The following DPP10 variants were observed in gnomAD, a reference collection of about 807,000 sequenced individuals.
DPP10 encodes dipeptidyl peptidase like 10, also known as inactive dipeptidyl peptidase 10.
DPP10 carries 33 observed loss-of-function variants against 120.9 expected under a neutral mutation model. That is an observed-to-expected ratio of 0.27 (90% CI 0.21 to 0.37). DPP10 has a LOEUF of 0.37. Ranked by LOEUF, DPP10 falls within the 10% of genes least tolerant of loss-of-function variation. DPP10 has a pLI of 1.00. For missense variants in DPP10, 816 were observed against 942.8 expected (o/e 0.87, Z 1.76); for synonymous variants, 337 against 326.1 (o/e 1.03, Z -0.36).
intron 1 of DPP10, among the ~76,000 whole-genome samples, chr2:115,061,445 C>T (rs13431291): frequency 0.017 from 2,660 of 152,150 alleles, 75 homozygotes; most frequent in African/African-American, 0.061. Flanking sequence ...TAGTGACATC[C>T]ATAATAAAAT....
At chr2:114,982,029 G>A (rs1046310824) in intron 1 of DPP10, among the ~76,000 whole-genome samples, 11 of 151,666 alleles carry the variant, frequency 7.3e-5, no homozygotes, top group African/African-American at 2.7e-4. Flanking sequence ...TGAGTAGCTG[G>A]GACTACAGGC....
At chr2:115,039,409 G>A (rs1338489349) in intron 1 of DPP10, among the ~76,000 whole-genome samples, 2 of 152,122 alleles carry the variant, frequency 1.3e-5, no homozygotes, top group African/African-American at 4.8e-5. Flanking sequence ...GTTTGTTACT[G>A]CAAATTGTAG....
At chr2:115,561,614 A>G (rs1575182280) in intron 5 of DPP10, among the ~76,000 whole-genome samples, 1 of 152,116 alleles carries the variant, frequency 6.6e-6, no homozygotes, top group East Asian at 1.9e-4. Flanking sequence ...TACATTTTGT[A>G]TGATTTTTCT....
At chr2:115,445,879 C>A (rs1247532991) in intron 3 of DPP10, among the ~76,000 whole-genome samples, 1 of 152,162 alleles carries the variant, frequency 6.6e-6, no homozygotes, top group African/African-American at 2.4e-5. Context: ...GCCTGGAGGT[C>A]TAGGAGGGAA....
chr2:115,039,786 C>T (rs965839715), intron 1 of DPP10, among the ~76,000 whole-genome samples: 4 of 152,036 alleles, frequency 2.6e-5, no homozygotes, highest in African/African-American at 9.7e-5. Context: ...GAAATGTATA[C>T]ACCCATCAGC....
chr2:114,508,857 T>C (rs1460747967), intron 1 of DPP10, among the ~76,000 whole-genome samples: 2 of 152,304 alleles, frequency 1.3e-5, no homozygotes, highest in East Asian at 3.9e-4. Context: ...AAATGGATTT[T>C]CTACCCTGAG....
chr2:115,444,406 T>C (rs1040108910), intron 3 of DPP10, among the ~76,000 whole-genome samples: 2 of 152,208 alleles, frequency 1.3e-5, no homozygotes, highest in African/African-American at 4.8e-5. Flanking sequence ...ATTAAGAAAG[T>C]GAAGGGCATA....
chr2:114,979,244 G>A (rs1699939291), intron 1 of DPP10, among the ~76,000 whole-genome samples: 1 of 151,770 alleles, frequency 6.6e-6, no homozygotes, highest in Non-Finnish European at 1.5e-5. Flanking sequence ...AGAGAATCAA[G>A]ATAATCAGAA....
At chr2:114,970,693 G>A (rs1699335647) in intron 1 of DPP10, among the ~76,000 whole-genome samples, 1 of 152,076 alleles carries the variant, frequency 6.6e-6, no homozygotes. Context: ...TGTATCTAAA[G>A]CATCTTTGTT....
At chr2:115,690,528 T>G (rs943590103) in intron 7 of DPP10, among the ~76,000 whole-genome samples, 3 of 152,186 alleles carry the variant, frequency 2.0e-5, no homozygotes, top group African/African-American at 7.2e-5. Context: ...TTCTTGTGCT[T>G]CAGCCTCCTG....
chr2:115,566,175 G>T (rs1224884353), intron 5 of DPP10, among the ~76,000 whole-genome samples: 6 of 152,132 alleles, frequency 3.9e-5, no homozygotes, highest in Non-Finnish European at 1.5e-5. Flanking sequence ...ATGTCTAGGG[G>T]TTCCATTAAT....
chr2:114,809,299 T>G, intron 1 of DPP10, among the ~76,000 whole-genome samples: 1 of 152,200 alleles, frequency 6.6e-6, no homozygotes, highest in South Asian at 2.1e-4. Context: ...AGAAGGCCAT[T>G]TAGATAACCC....
At chr2:115,742,706 G>A (rs1171080995) in intron 9 of DPP10, among the ~76,000 whole-genome samples, 1 of 151,882 alleles carries the variant, frequency 6.6e-6, no homozygotes, top group Non-Finnish European at 1.5e-5. Flanking sequence ...GTTAGTTTTT[G>A]CTGTAACAAA....
chr2:115,601,434 TTC>T (rs2083314065), intron 5 of DPP10, among the ~76,000 whole-genome samples: 1 of 152,174 alleles, frequency 6.6e-6, no homozygotes, highest in East Asian at 1.9e-4. Context: ...CTATGCCTTT[TTC>T]ACATCAGATA....
chr2:114,699,955 A>T (rs1700291930), intron 1 of DPP10, among the ~76,000 whole-genome samples: 1 of 152,086 alleles, frequency 6.6e-6, no homozygotes, highest in African/African-American at 2.4e-5. Context: ...AGACATAGGA[A>T]CTTTACTGGC....
At chr2:114,529,749 G>T (rs1044986796) in intron 1 of DPP10, among the ~76,000 whole-genome samples, 4 of 152,096 alleles carry the variant, frequency 2.6e-5, no homozygotes, top group African/African-American at 4.8e-5. Flanking sequence ...AGGTAAATGT[G>T]TGTCAGGGGG....
intron 1 of DPP10, among the ~76,000 whole-genome samples, chr2:114,737,325 T>C (rs978690378): frequency 6.6e-6 from 1 of 152,166 alleles, no homozygotes; most frequent in Non-Finnish European, 1.5e-5. Flanking sequence ...GATTGAAGAA[T>C]GCGTGCAGGT....
intron 1 of DPP10, among the ~76,000 whole-genome samples, chr2:115,203,055 G>A (rs544770585): frequency 1.2e-4 from 18 of 152,290 alleles, no homozygotes; most frequent in Non-Finnish European, 2.5e-4. Flanking sequence ...GCCAACTCAA[G>A]TTTAGAAAAC....
intron 1 of DPP10, among the ~76,000 whole-genome samples, chr2:115,049,479 T>A (rs778734841): frequency 2.0e-5 from 3 of 152,186 alleles, no homozygotes; most frequent in Non-Finnish European, 4.4e-5. Context: ...AGACAATATT[T>A]GCTGACTTTA....
Sources: allele counts gnomAD v4.1 joint callset (sites outside exome capture counted in the v4.1 genomes callset), GRCh38; gene constraint gnomAD v4.1.1; transcripts MANE v1.5; gene names NCBI Gene and HGNC (gene_info 2026-07-23, HGNC 2026-07-21).